Variants in SAP30L observed in about 807,000 individuals in gnomAD.
SAP30L encodes the protein histone deacetylase complex subunit SAP30L.
A neutral mutation model predicts 22.3 loss-of-function variants in SAP30L; 10 were observed. The observed-to-expected ratio is 0.45, with a 90% CI of 0.28 to 0.76. The LOEUF (loss-of-function observed/expected upper bound fraction) is 0.76, where lower values mean the gene tolerates loss of function less well. Among genes scored for constraint, SAP30L ranks in the 30% least tolerant of loss-of-function variants. The probability of loss-of-function intolerance (pLI) is 0.14; values close to 1 mark genes in which losing one functional copy is unlikely to be tolerated. For synonymous variants in SAP30L, 91 were observed against 94.1 expected, an observed-to-expected ratio of 0.97 and a Z score of 0.19; for missense variants, 206 against 237.9, an observed-to-expected ratio of 0.87 and a Z score of 0.88.
intron 2 of SAP30L, 29 bp from the exon 3 acceptor site, chr5:154,453,373 G>A (rs748781962): frequency 7.1e-6 from 11 of 1,552,518 alleles, no homozygotes; most frequent in East Asian, 2.2e-5. Context: ...GTCAGGTGAT[G>A]GATAACATTT....
intron 1 of SAP30L, among the ~76,000 whole-genome samples, chr5:154,448,378 G>T (rs1185314479): frequency 1.3e-5 from 2 of 152,180 alleles, no homozygotes; most frequent in African/African-American, 4.8e-5. Flanking sequence ...TTAAGTGGTT[G>T]GGAGAGAGTT....
chr5:154,446,483 G>C lies in SAP30L; in HGVS notation c.-122G>C, dbSNP rs1403007329. 3.7e-6 allele frequency: 3 copies of C among 809,794 alleles called. No homozygotes were observed. The South Asian group carries it at 7.7e-5, about 21-fold the overall frequency. 50.2% of individuals were successfully genotyped at this position (809,794 alleles called of 1,614,324 possible). Reference sequence around the variant, plus strand: ...GGACGCGGGGCAGGGCAGCGCCCGGGCTGGAGACGGACTCTGGGACCCTCG... The same window carrying C: ...GGACGCGGGGCAGGGCAGCGCCCGGCCTGGAGACGGACTCTGGGACCCTCG... On this transcript the variant is annotated 5_prime_UTR_variant, in exon 1 of 4. Coordinates refer to ENST00000297109, the MANE Select transcript of SAP30L (RefSeq NM_024632.6).
rs191696521 is a variant in SAP30L at position 154,448,106 on chromosome 5, G to A, written c.201+1301G>A. Among the ~76,000 whole-genome samples the A allele has an allele frequency of 1.3e-4, 19 of 151,304 alleles. No individual in the cohort carries two copies. The East Asian group carries it at 3.7e-3, about 30-fold the overall frequency. On this transcript the variant is annotated intron_variant, in intron 1 of 3. Coordinates refer to ENST00000297109, the MANE Select transcript of SAP30L (RefSeq NM_024632.6). ...TTCTCCTGCCTCAGCCTCCTGAATAGCTGGGATTACAGGCGTTTGCCGCCA... is the reference window on the plus strand; with the variant it reads ...TTCTCCTGCCTCAGCCTCCTGAATAACTGGGATTACAGGCGTTTGCCGCCA...
Position 154,446,593 on chromosome 5 carries a change from C to CG in SAP30L, c.-8dup, listed in dbSNP as rs1476241953. 3 of 1,464,980 alleles carry CG rather than the reference C, an allele frequency of 2.0e-6. No homozygotes were observed. In the African/African-American group the frequency reaches 4.4e-5, roughly 22 times the overall value. 90.7% of individuals were successfully genotyped at this position (1,464,980 alleles called of 1,614,324 possible). ...GGACCCTCCCCCAGAGGGACCGGCC[C>CG]GGGGCGGGGAGATGAACGGCTTCAG... On this transcript the variant is annotated 5_prime_UTR_variant, in exon 1 of 4. Transcript: ENST00000297109.
Position 154,456,910 on chromosome 5 carries a change from CATATTT to C in SAP30L, c.*884_*889del, listed in dbSNP as rs1362246917. 5 of 152,218 alleles carry C rather than the reference CATATTT, an allele frequency of 3.3e-5. No homozygotes were observed. The highest frequency in any genetic ancestry group is 5.9e-5 in the Non-Finnish European group (4 of 68,036). The allele number at this position is 152,218 out of a possible 1,614,324, so 9.4% of individuals were successfully genotyped here. On this transcript the variant is annotated 3_prime_UTR_variant, in exon 4 of 4. Coordinates refer to ENST00000297109, the MANE Select transcript of SAP30L (RefSeq NM_024632.6). The stretch of plus-strand genomic sequence containing the variant: ...GGTAATAAATGCATTGACACACTGA[CATATTT>C]AGTAGGTTGGGGCAAGTATTTTTAG...
chr5:154,454,738 G>A (rs952303112), intron 3 of SAP30L, among the ~76,000 whole-genome samples: 1 of 152,190 alleles, frequency 6.6e-6, no homozygotes, highest in African/African-American at 2.4e-5. Flanking sequence ...AAAGAATGAG[G>A]TGGGGCAAGA....
At position 154,446,772 on chromosome 5, in the gene SAP30L, G is replaced by T. The variant is rs1757022057; in HGVS notation, c.168G>T (p.Ser56=). 2 of 1,604,424 alleles carry T rather than the reference G, an allele frequency of 1.2e-6. No homozygotes were observed. Among genetic ancestry groups the T allele is most frequent in the East Asian group, 2.3e-5 (1 of 44,066 alleles). ...GCAAGAGGGTCCAGAAGAGCATCTCGCAGAAGAAACTCAAGCTGGACATCG... is the reference window on the plus strand; with the variant it reads ...GCAAGAGGGTCCAGAAGAGCATCTCTCAGAAGAAACTCAAGCTGGACATCG... The part of the protein sequence containing the change: ...SFSKRVQKSI[S]QKKLKLDIDK... Residue 56 remains serine (S), a synonymous_variant, in exon 1 of 4, where the codon TCG becomes TCT. Transcript: ENST00000297109.
rs191446650 is a variant in SAP30L at position 154,457,210 on chromosome 5, A to C, written c.*1182A>C. ...TGTTGTTCAAAACGTTGAACTCCTC[A>C]ATCTAATTATATCAGAGCCAAAGTA... On this transcript the variant is annotated 3_prime_UTR_variant, in exon 4 of 4. Transcript: ENST00000297109. 6.6e-6 allele frequency: 1 copy of C among 152,336 alleles called. No homozygotes were observed. The highest frequency in any genetic ancestry group is 1.9e-4 in the East Asian group (1 of 5,190). The allele number at this position is 152,336 out of a possible 1,614,324, so 9.4% of individuals were successfully genotyped here. A position where few individuals can be genotyped will look rare whatever the true frequency, so the allele number is the denominator to read the frequency against.
rs762468838 is a variant in SAP30L at position 154,451,183 on chromosome 5, T to G, written c.294T>G (p.Asp98Glu). The G allele has an allele frequency of 1.4e-5, 23 of 1,614,116 alleles. No homozygotes were observed. The highest frequency in any genetic ancestry group is 1.9e-5 in the Non-Finnish European group (23 of 1,180,006). The change falls in exon 2 of 4, where the codon GAT (aspartate) becomes GAG (glutamate). Residue 98 changes from aspartate to glutamate, a missense_variant. Asp to Glu is a conservative substitution (Grantham distance 45, BLOSUM62 2). This residue lies in a region of SAP30L where 136 missense variants were observed against 187.4 expected (regional missense o/e 0.73). Coordinates refer to ENST00000297109, the MANE Select transcript of SAP30L (RefSeq NM_024632.6). Reference sequence around the variant, plus strand: ...GGAAGACAAGTGACGATGGCGGAGATTCTCCCGAGCACGACACTGACATTC... The same window carrying G: ...GGAAGACAAGTGACGATGGCGGAGAGTCTCCCGAGCACGACACTGACATTC... ...RKRKTSDDGG[D>E]SPEHDTDIPE... is the part of the protein sequence containing the mutation.
At chr5:154,446,862 C>A in intron 1 of SAP30L, 57 bp downstream of exon 1, 1 of 1,471,828 alleles carries the variant, frequency 6.8e-7, no homozygotes, top group Non-Finnish European at 9.3e-7. Flanking sequence ...CCGTCCGCTG[C>A]CCTGGGCTCC....
chr5:154,455,769 A>G, intron 3 of SAP30L, 131 bp from the exon 4 acceptor site: 4 of 1,160,094 alleles, frequency 3.4e-6, no homozygotes, highest in Non-Finnish European at 4.8e-6. Context: ...CGCACATGGC[A>G]GGAAGTTCTT....
chr5:154,451,008 AAG>A, intron 1 of SAP30L, 81 bp from the exon 2 acceptor site: 1 of 1,454,756 alleles, frequency 6.9e-7, no homozygotes, highest in African/African-American at 1.4e-5. Flanking sequence ...CCTGCAATGG[AAG>A]GAAGCCCCGC....
rs1269748507 is a variant in SAP30L, at chr5:154,446,037, G to A, written c.-568G>A. On this transcript the variant is annotated 5_prime_UTR_variant, in exon 1 of 4. Transcript: ENST00000297109. Reference sequence around the variant, plus strand: ...CGGCGGGCGGCGGCCGGGCGGCCCAGGGGCTGCCGCGGGACTCGGGGCGCA... The same window carrying A: ...CGGCGGGCGGCGGCCGGGCGGCCCAAGGGCTGCCGCGGGACTCGGGGCGCA... The A allele has an allele frequency of 1.3e-5, 2 of 152,344 alleles. No individual in the cohort carries two copies. Among genetic ancestry groups the A allele is most frequent in the Non-Finnish European group, 2.9e-5 (2 of 68,406 alleles). The allele number at this position is 152,344 out of a possible 1,614,324, so 9.4% of individuals were successfully genotyped here. A position where few individuals can be genotyped will look rare whatever the true frequency, so the allele number is the denominator to read the frequency against.
In SAP30L at chr5:154,446,762, A is replaced by G. The variant is rs1237802155; in HGVS notation, c.158A>G (p.Lys53Arg). The change falls in exon 1 of 4, where the codon AAG (lysine) becomes AGG (arginine). Residue 53 changes from lysine to arginine, a missense_variant. This residue lies in a region of SAP30L where 136 missense variants were observed against 187.4 expected (regional missense o/e 0.73). Coordinates refer to ENST00000297109, the MANE Select transcript of SAP30L (RefSeq NM_024632.6). Reference protein sequence around the residue: ...GNASFSKRVQKSISQKKLKLD... With the variant: ...GNASFSKRVQRSISQKKLKLD... Reference sequence around the variant, plus strand: ...GCCTCCTTCAGCAAGAGGGTCCAGAAGAGCATCTCGCAGAAGAAACTCAAG... The same window carrying G: ...GCCTCCTTCAGCAAGAGGGTCCAGAGGAGCATCTCGCAGAAGAAACTCAAG... 1 of 1,607,276 alleles carries G rather than the reference A, an allele frequency of 6.2e-7. No homozygotes were observed. The highest frequency in any genetic ancestry group is 1.7e-4 in the Middle Eastern group (1 of 6,046).
At position 154,451,086 on chromosome 5, in the gene SAP30L, A is replaced by C. The variant is rs772545120; in HGVS notation, c.202-5A>C. The C allele has an allele frequency of 6.2e-7, 1 of 1,613,884 alleles. No homozygotes were observed. Among genetic ancestry groups the C allele is most frequent in the Non-Finnish European group, 8.5e-7 (1 of 1,179,946 alleles). On this transcript the variant is annotated splice_region_variant and splice_polypyrimidine_tract_variant and intron_variant, in intron 1 of 3. Transcript: ENST00000297109. ...AACTCTGACTTTGATTTTTGTCTCC[A>C]TCAGGTAAGGCACCTATATATCTGT...
intron 2 of SAP30L, chr5:154,453,131 A>C: frequency 3.0e-6 from 1 of 333,164 alleles, no homozygotes; most frequent in Non-Finnish European, 5.5e-6. Flanking sequence ...ACCGTTTCTC[A>C]GTGCTTTATC....
At chr5:154,454,765 A>G (rs78321784) in intron 3 of SAP30L, among the ~76,000 whole-genome samples, 2,848 of 152,286 alleles carry the variant, frequency 0.019, 36 homozygotes, top group Middle Eastern at 0.055. Flanking sequence ...CTGCATTCTC[A>G]TTACTTATGG....
chr5:154,452,415 G>C, intron 2 of SAP30L: 1 of 919,850 alleles, frequency 1.1e-6, no homozygotes, highest in South Asian at 5.0e-5. Context: ...AAGAATGAAG[G>C]ACTTTGGCCC....
chr5:154,450,223 TA>T, intron 1 of SAP30L, among the ~76,000 whole-genome samples: 1 of 152,362 alleles, frequency 6.6e-6, no homozygotes, highest in Admixed American at 6.5e-5. Flanking sequence ...CACCTTCACT[TA>T]CCAGTGTGCC....
Sources: gnomAD v4.1 joint callset for allele counts (sites outside exome capture counted in the v4.1 genomes callset) on GRCh38, gnomAD v4.1.1 for gene constraint, gnomAD v4.1.1 regional missense constraint, MANE v1.5 for transcripts, NCBI Gene and HGNC (gene_info 2026-07-23, HGNC 2026-07-21) for gene names.